Variants in GAP43 observed in about 807,000 individuals in gnomAD.
The protein encoded by GAP43 is growth associated protein 43.
Under a neutral mutation model 18.6 loss-of-function variants are expected in GAP43, and 6 were observed. The observed-to-expected ratio is 0.32, with a 90% CI of 0.18 to 0.64. GAP43 has a LOEUF of 0.64. Among genes scored for constraint, GAP43 ranks in the 30% least tolerant of loss-of-function variants. The probability of loss-of-function intolerance (pLI) is 0.78; values close to 1 mark genes in which losing one functional copy is unlikely to be tolerated. For synonymous variants in GAP43, 115 were observed against 111.4 expected (o/e 1.03, Z -0.20); for missense variants, 292 against 295.5 (o/e 0.99, Z 0.09).
chr3:115,657,660 C>T (rs1315060054), intron 1 of GAP43, among the ~76,000 whole-genome samples: 2 of 152,062 alleles, frequency 1.3e-5, no homozygotes, highest in Non-Finnish European at 2.9e-5. Flanking sequence ...TTTGGCCTTG[C>T]TCCTTTGGTG....
intron 1 of GAP43, among the ~76,000 whole-genome samples, chr3:115,659,334 A>T (rs1378856550): frequency 2.0e-5 from 3 of 152,002 alleles, no homozygotes; most frequent in African/African-American, 7.3e-5. Flanking sequence ...TCCATTTCTC[A>T]CTATGAAATG....
In GAP43 at chr3:115,644,399, A is replaced by G. The variant is rs1708433605; in HGVS notation, c.30+20680A>G. 6.6e-6 allele frequency among the ~76,000 whole-genome samples: 1 copy of G among 152,020 alleles called. No individual in the cohort carries two copies. The highest frequency in any genetic ancestry group is 6.6e-5 in the Admixed American group (1 of 15,220). On this transcript the variant is annotated intron_variant, in intron 1 of 2. Coordinates refer to ENST00000305124, the MANE Select transcript of GAP43 (RefSeq NM_002045.4). This position sits in a 1 kb window ranked among gnomAD's most constrained non-coding sequence, Gnocchi z 4.2. ...GTGGGAGGAGTTCAAACACTGGTTG[A>G]TAAAAGGATAACAAACCTGTAGCAA... is the stretch of plus-strand genomic sequence containing the variant.
chr3:115,623,573 C>T lies in GAP43; in HGVS notation c.-117C>T. On this transcript the variant is annotated 5_prime_UTR_variant, in exon 1 of 3. Coordinates refer to ENST00000305124, the MANE Select transcript of GAP43 (RefSeq NM_002045.4). ...GAGAGGGAGGGAGGGAGAGAGAGCG[C>T]GCTAGCGCGAGAGAGCGAGTGAGCA... 4 of 1,355,246 alleles carry T rather than the reference C, an allele frequency of 3.0e-6. No homozygotes were observed. In the South Asian group the frequency reaches 4.9e-5, roughly 16 times the overall value. The allele number at this position is 1,355,246 out of a possible 1,614,324, so 84.0% of individuals were successfully genotyped here.
intron 1 of GAP43, among the ~76,000 whole-genome samples, chr3:115,629,885 T>G (rs1382316336): frequency 1.3e-5 from 2 of 152,182 alleles, no homozygotes; most frequent in East Asian, 3.9e-4. Context: ...GGCATGAAAT[T>G]TTAAAGTGGA....
At chr3:115,656,001 C>A (rs1220331616) in intron 1 of GAP43, among the ~76,000 whole-genome samples, 1 of 152,172 alleles carries the variant, frequency 6.6e-6, no homozygotes, top group Non-Finnish European at 1.5e-5. Flanking sequence ...TGATCTAATT[C>A]AGTTATCTAC....
chr3:115,695,969 T>G (rs1275398151), intron 2 of GAP43, among the ~76,000 whole-genome samples: 1 of 152,174 alleles, frequency 6.6e-6, no homozygotes, highest in Non-Finnish European at 1.5e-5. Context: ...TCATTTGCCC[T>G]TCCTTCTTTA....
chr3:115,716,996 A>G (rs938174646), intron 2 of GAP43, among the ~76,000 whole-genome samples: 8 of 151,922 alleles, frequency 5.3e-5, no homozygotes, highest in Non-Finnish European at 1.0e-4. Flanking sequence ...GCCACCTGAT[A>G]TAATCGGAAA....
chr3:115,666,842 C>T (rs938052696), intron 1 of GAP43, among the ~76,000 whole-genome samples: 8 of 152,190 alleles, frequency 5.3e-5, no homozygotes, highest in Non-Finnish European at 7.3e-5. Flanking sequence ...TGGACTCCTT[C>T]CTGGTTCCTC....
chr3:115,694,116 G>T (rs1013738113), intron 2 of GAP43, among the ~76,000 whole-genome samples: 1 of 152,130 alleles, frequency 6.6e-6, no homozygotes. Flanking sequence ...TTGCAGGGGA[G>T]GGGGGAGCAG....
chr3:115,637,485 C>A (rs940485902), intron 1 of GAP43, among the ~76,000 whole-genome samples: 1 of 152,062 alleles, frequency 6.6e-6, no homozygotes, highest in Non-Finnish European at 1.5e-5. Context: ...CTTGATACTG[C>A]TGGCTTTTCC....
chr3:115,668,922 A>G (rs1708772535), intron 1 of GAP43, among the ~76,000 whole-genome samples: 1 of 152,106 alleles, frequency 6.6e-6, no homozygotes, highest in Admixed American at 6.6e-5. Flanking sequence ...ACATAGCTGT[A>G]GCCCCAGCTA....
chr3:115,673,681 GA>G (rs1295883914), intron 1 of GAP43, among the ~76,000 whole-genome samples: 1 of 152,204 alleles, frequency 6.6e-6, no homozygotes. Flanking sequence ...TCCTGGCAGG[GA>G]CAGCTGCTCC....
intron 2 of GAP43, among the ~76,000 whole-genome samples, chr3:115,702,286 A>G (rs1405924618): frequency 6.6e-6 from 1 of 152,140 alleles, no homozygotes; most frequent in East Asian, 1.9e-4. Context: ...AGACAGTGGT[A>G]ATATAAATCA....
intron 1 of GAP43, among the ~76,000 whole-genome samples, chr3:115,638,423 C>T (rs1195745304): frequency 6.6e-6 from 1 of 151,966 alleles, no homozygotes; most frequent in African/African-American, 2.4e-5. Context: ...TGTGTTGCTC[C>T]CTGTGCACAG....
chr3:115,636,040 C>A (rs1708325643), intron 1 of GAP43, among the ~76,000 whole-genome samples: 1 of 152,002 alleles, frequency 6.6e-6, no homozygotes, highest in African/African-American at 2.4e-5. Flanking sequence ...TTTTGCTCAA[C>A]CTGGATATAT....
At chr3:115,642,350 C>T (rs1425121807) in intron 1 of GAP43, among the ~76,000 whole-genome samples, 5 of 151,746 alleles carry the variant, frequency 3.3e-5, no homozygotes, top group African/African-American at 1.2e-4. Flanking sequence ...ATTCAAAAAA[C>T]ATTTATTAAT....
At position 115,644,085 on chromosome 3, in the gene GAP43, G is replaced by A. The variant is rs565490917; in HGVS notation, c.30+20366G>A. 7.9e-5 allele frequency among the ~76,000 whole-genome samples: 12 copies of A among 151,864 alleles called. No individual in the cohort carries two copies. The highest frequency in any genetic ancestry group is 1.9e-4 in the East Asian group (1 of 5,158). The stretch of plus-strand genomic sequence containing the variant: ...GTCAGTCTAAGGTATGTGATGCAGC[G>A]GATTTCCCAAGAGTGATGAAAGAAG... On this transcript the variant is annotated intron_variant, in intron 1 of 2. Coordinates refer to ENST00000305124, the MANE Select transcript of GAP43 (RefSeq NM_002045.4). The surrounding 1 kb of genome is among the most constrained non-coding windows in gnomAD (Gnocchi z 4.2).
In GAP43 at chr3:115,684,058, C is replaced by G. The variant is rs1423346852; in HGVS notation, c.628+7448C>G. Among the ~76,000 whole-genome samples, 4 of 152,148 alleles carry G rather than the reference C, an allele frequency of 2.6e-5. No individual in the cohort carries two copies. In the East Asian group the frequency reaches 7.7e-4, roughly 29 times the overall value. On this transcript the variant is annotated intron_variant, in intron 2 of 2. Coordinates refer to ENST00000305124, the MANE Select transcript of GAP43 (RefSeq NM_002045.4). ...AATATTTCAGTTTGATCATCTCACACCATTCTACTTGGAAGGGAAATTGTA... is the reference window on the plus strand; with the variant it reads ...AATATTTCAGTTTGATCATCTCACAGCATTCTACTTGGAAGGGAAATTGTA...
intron 2 of GAP43, among the ~76,000 whole-genome samples, chr3:115,695,999 T>G (rs750761980): frequency 6.6e-6 from 1 of 152,186 alleles, no homozygotes; most frequent in Non-Finnish European, 1.5e-5. Context: ...TTTGAAATGT[T>G]GAGTTACCCC....
Sources: allele counts gnomAD v4.1 joint callset (sites outside exome capture counted in the v4.1 genomes callset), GRCh38; gene constraint gnomAD v4.1.1; non-coding constraint Gnocchi (gnomAD v3.1); transcripts MANE v1.5; gene names NCBI Gene and HGNC (gene_info 2026-07-23, HGNC 2026-07-21).